Variants in STKLD1 observed in about 807,000 individuals in gnomAD.
STKLD1 encodes serine/threonine kinase like domain containing 1.
Under a neutral mutation model 80.4 loss-of-function variants are expected in STKLD1, and 79 were observed. That is an observed-to-expected ratio of 0.98 (90% confidence interval 0.82 to 1.19). The LOEUF (loss-of-function observed/expected upper bound fraction) is 1.19. Among genes scored for constraint, STKLD1 ranks in the 50% most tolerant of loss-of-function variants. The probability of loss-of-function intolerance (pLI) is 0.00; values close to 1 mark genes in which losing one functional copy is unlikely to be tolerated. For synonymous variants in STKLD1, 393 were observed against 357.6 expected, an observed-to-expected ratio of 1.10 and a Z score of -1.12; for missense variants, 841 against 856.0, an observed-to-expected ratio of 0.98 and a Z score of 0.22.
intron 4 of STKLD1, among the ~76,000 whole-genome samples, chr9:133,386,668 C>T (rs1030806195): frequency 1.3e-5 from 2 of 152,250 alleles, no homozygotes; most frequent in African/African-American, 2.4e-5. Flanking sequence ...GTCCAGCAGC[C>T]GGGTCCTGTA....
Position 133,387,560 on chromosome 9 carries a change from T to TG in STKLD1, c.396+16dup. The TG allele has an allele frequency of 6.2e-7, 1 of 1,610,458 alleles. No individual in the cohort carries two copies. Among genetic ancestry groups the TG allele is most frequent in the Non-Finnish European group, 8.5e-7 (1 of 1,176,892 alleles). ...TCATTGACTCTGAGGTGAGGTCCTT[T>TG]GGGGCACCAGGCCTGGGGGCCACCT... On this transcript the variant is annotated intron_variant, in intron 5 of 17. Transcript: ENST00000371957.
intron 11 of STKLD1, among the ~76,000 whole-genome samples, chr9:133,400,212 G>A (rs1005111761): frequency 1.3e-5 from 2 of 152,236 alleles, no homozygotes; most frequent in African/African-American, 4.8e-5. Flanking sequence ...TCACAGGGCT[G>A]TGGGCAGCAC....
At chr9:133,393,203 G>GATGGATGA (rs1838454441) in intron 7 of STKLD1, among the ~76,000 whole-genome samples, 1 of 143,732 alleles carries the variant, frequency 7.0e-6, no homozygotes, top group Non-Finnish European at 1.5e-5. Context: ...TGGATGGATG[G>GATGGATGA]ATGGATGGAT....
chr9:133,400,323 G>T, intron 11 of STKLD1, 90 bp from the exon 12 acceptor site: 2 of 901,762 alleles, frequency 2.2e-6, no homozygotes, highest in Non-Finnish European at 3.6e-6. Context: ...GGCCCTGCAG[G>T]CTCCTACCAG....
intron 4 of STKLD1, 63 bp from the exon 5 acceptor site, chr9:133,387,384 G>A: frequency 1.5e-6 from 2 of 1,370,700 alleles, no homozygotes; most frequent in Admixed American, 1.7e-5. Context: ...CCCTGGAGCA[G>A]GTGAGCCTGC....
Position 133,401,723 on chromosome 9 carries a change from C to T in STKLD1, c.1199-15C>T. The T allele has an allele frequency of 1.2e-6, 2 of 1,608,934 alleles. No homozygotes were observed. The highest frequency in any genetic ancestry group is 1.7e-6 in the Non-Finnish European group (2 of 1,178,868). ...TGTGGGGCTAACCCCAGGCGTCTTC[C>T]TCTGGCTTGAGCAGCGCTGGTGCAC... On this transcript the variant is annotated splice_polypyrimidine_tract_variant and intron_variant, in intron 12 of 17. Coordinates refer to ENST00000371957, the MANE Select transcript of STKLD1 (RefSeq NM_153710.5).
rs1391275848 is a variant in STKLD1, at chr9:133,389,677, C to T, written c.467+81C>T. The T allele has an allele frequency of 6.5e-5, 103 of 1,584,666 alleles. No homozygotes were observed. Among genetic ancestry groups the T allele is most frequent in the Non-Finnish European group, 8.6e-5 (100 of 1,163,816 alleles). On this transcript the variant is annotated intron_variant, in intron 6 of 17. Coordinates refer to ENST00000371957, the MANE Select transcript of STKLD1 (RefSeq NM_153710.5). The surrounding 1 kb of genome is among the most constrained non-coding windows in gnomAD (Gnocchi z 6.4). ...CTGAGGCCACTCGGGTGCCAGTGCC[C>T]GTGGGCAGGATCTGGGGAGAAAGGT...
chr9:133,395,787 T>C (rs1554776654), intron 9 of STKLD1, 24 bp downstream of exon 9: 1 of 1,609,746 alleles, frequency 6.2e-7, no homozygotes, highest in South Asian at 1.1e-5. Flanking sequence ...CGGGGTTTAT[T>C]TTAACCTGTG....
At chr9:133,387,284 A>C (rs1297857357) in intron 4 of STKLD1, among the ~76,000 whole-genome samples, 163 bp from the exon 5 acceptor site, 1 of 151,736 alleles carries the variant, frequency 6.6e-6, no homozygotes, top group Non-Finnish European at 1.5e-5. Flanking sequence ...GAGAGAGAGG[A>C]AGCTGAAGGT....
At chr9:133,401,622 C>G in intron 12 of STKLD1, 116 bp from the exon 13 acceptor site, 1 of 1,319,422 alleles carries the variant, frequency 7.6e-7, no homozygotes, top group Non-Finnish European at 1.0e-6. Flanking sequence ...CAAGGCAGAC[C>G]TCGGTTTCCT....
In STKLD1 at chr9:133,404,656, G is replaced by A. The variant is rs146607875; in HGVS notation, c.1733-133G>A. On this transcript the variant is annotated intron_variant, in intron 16 of 17. Coordinates refer to ENST00000371957, the MANE Select transcript of STKLD1 (RefSeq NM_153710.5). ...CCTACTGGTCCGCCCAAGCTGATGG[G>A]GCCTCCTGGGTCCCGTCTCTTGTCC... 1.6e-5 allele frequency: 20 copies of A among 1,287,584 alleles called. No homozygotes were observed. In the East Asian group the frequency reaches 4.3e-4, roughly 28 times the overall value. 79.8% of individuals were successfully genotyped at this position (1,287,584 alleles called of 1,614,324 possible). A position where few individuals can be genotyped will look rare whatever the true frequency, so the allele number is the denominator to read the frequency against.
intron 13 of STKLD1, among the ~76,000 whole-genome samples, chr9:133,402,295 C>A (rs1039567282): frequency 5.3e-5 from 8 of 152,142 alleles, no homozygotes; most frequent in Admixed American, 4.6e-4. Context: ...ACACCTTCAC[C>A]CACAAATCGG....
At chr9:133,383,801 T>C in intron 2 of STKLD1, 55 bp from the exon 3 acceptor site, 1 of 1,558,110 alleles carries the variant, frequency 6.4e-7, no homozygotes, top group Non-Finnish European at 8.9e-7. Flanking sequence ...ATGGCGGTGA[T>C]AACGGAGATG....
Position 133,403,903 on chromosome 9 carries a change from C to A in STKLD1, c.1604-17C>A, listed in dbSNP as rs1291005979. 4 of 1,606,938 alleles carry A rather than the reference C, an allele frequency of 2.5e-6. No homozygotes were observed. The African/African-American group carries it at 5.3e-5, about 21-fold the overall frequency. ...CATGGCACAGCAGGCACAAGGCAGC[C>A]CGGCCCCTTTCTGCAGGCTGCATCA... is the stretch of plus-strand genomic sequence containing the variant. On this transcript the variant is annotated splice_polypyrimidine_tract_variant and intron_variant, in intron 15 of 17. Transcript: ENST00000371957.
rs1357065239 is a variant in STKLD1, at chr9:133,394,763, AGT to A, written c.702+358_702+359del. ...ACGGAGTTGCAAGCAACGGGAACCC[AGT>A]GTGGGCCTGAACACACCTGGCTGTC... On this transcript the variant is annotated intron_variant, in intron 8 of 17. Transcript: ENST00000371957. This position sits in a 1 kb window ranked among gnomAD's most constrained non-coding sequence, Gnocchi z 4.9. 2 of 287,708 alleles carry A rather than the reference AGT, an allele frequency of 7.0e-6. No individual in the cohort carries two copies. Among genetic ancestry groups the A allele is most frequent in the Non-Finnish European group, 1.3e-5 (2 of 149,032 alleles). The allele number at this position is 287,708 out of a possible 1,614,324, so 17.8% of individuals were successfully genotyped here.
In STKLD1 at chr9:133,389,195, A is replaced by T; in HGVS notation, c.397-331A>T. 1.0e-6 allele frequency: 1 copy of T among 985,384 alleles called. No individual in the cohort carries two copies. The highest frequency in any genetic ancestry group is 1.2e-6 in the Non-Finnish European group (1 of 829,906). The allele number at this position is 985,384 out of a possible 1,614,324, so 61.0% of individuals were successfully genotyped here. ...CACCTCTCCCATACCCGCAAGGCCGATCTGCCTTCAGCTCCCAGCAAGTGT... is the reference window on the plus strand; with the variant it reads ...CACCTCTCCCATACCCGCAAGGCCGTTCTGCCTTCAGCTCCCAGCAAGTGT... On this transcript the variant is annotated intron_variant, in intron 5 of 17. Transcript: ENST00000371957. The surrounding 1 kb of genome is among the most constrained non-coding windows in gnomAD (Gnocchi z 6.4).
rs781925122 is a variant in STKLD1 at position 133,397,217 on chromosome 9, C to T, written c.920C>T (p.Ser307Phe). 22 of 1,613,894 alleles carry T rather than the reference C, an allele frequency of 1.4e-5. No individual in the cohort carries two copies. The highest frequency in any genetic ancestry group is 1.9e-5 in the Non-Finnish European group (22 of 1,180,040). Residue 307 changes from serine (S) to phenylalanine (F), a missense_variant, in exon 10 of 18, where the codon TCT (serine) becomes TTT (phenylalanine). By Grantham distance (155) the Ser-to-Phe change is radical. Transcript: ENST00000371957. ...LRGSFKSSCV[S>F]LTLHRQMVPA... ...GGCTCCTTCAAGTCCTCGTGCGTCTCTCTGACCCTGCACCGGCAGATGGTG... is the reference window on the plus strand; with the variant it reads ...GGCTCCTTCAAGTCCTCGTGCGTCTTTCTGACCCTGCACCGGCAGATGGTG...
Position 133,386,065 on chromosome 9 carries a change from C to T in STKLD1, c.294+374C>T, listed in dbSNP as rs185841107. Among the ~76,000 whole-genome samples the T allele has an allele frequency of 5.9e-5, 9 of 152,168 alleles. No individual in the cohort carries two copies. The East Asian group carries it at 1.5e-3, about 26-fold the overall frequency. ...TCCCGAGTAGCCAGGATTACAGGCG[C>T]GTGCCATGATGCCCGGCTAATTTTT... is the stretch of plus-strand genomic sequence containing the variant. On this transcript the variant is annotated intron_variant, in intron 4 of 17. Coordinates refer to ENST00000371957, the MANE Select transcript of STKLD1 (RefSeq NM_153710.5).
chr9:133,400,481 G>T lies in STKLD1; in HGVS notation c.1150G>T (p.Asp384Tyr), dbSNP rs782597499. The change falls in exon 12 of 18, where the codon GAT becomes TAT. Residue 384 changes from aspartate to tyrosine, a missense_variant. Physicochemically the swap from Asp to Tyr is radical, Grantham distance 160. Coordinates refer to ENST00000371957, the MANE Select transcript of STKLD1 (RefSeq NM_153710.5). ...CATGGAGCTACATGACAGGGTCCTCGATGTCCAGCTGTGTGCCTGCTCCCT... is the reference window on the plus strand; with the variant it reads ...CATGGAGCTACATGACAGGGTCCTCTATGTCCAGCTGTGTGCCTGCTCCCT... Reference protein sequence around the residue: ...TTMELHDRVLDVQLCACSLLL... With the variant: ...TTMELHDRVLYVQLCACSLLL... 1 of 1,613,492 alleles carries T rather than the reference G, an allele frequency of 6.2e-7. No homozygotes were observed. The highest frequency in any genetic ancestry group is 1.1e-5 in the South Asian group (1 of 91,088).
Sources: gnomAD v4.1 joint callset for allele counts (sites outside exome capture counted in the v4.1 genomes callset) on GRCh38, gnomAD v4.1.1 for gene constraint, Gnocchi (gnomAD v3.1) non-coding constraint, MANE v1.5 for transcripts, NCBI Gene and HGNC (gene_info 2026-07-23, HGNC 2026-07-21) for gene names.